Variants in ABCC9 observed in about 807,000 individuals in gnomAD.
ABCC9 encodes ATP binding cassette subfamily C member 9.
In ABCC9, 95 loss-of-function variants were observed where a neutral mutation model predicts 188.3. That is an observed-to-expected ratio of 0.50 (90% CI 0.43 to 0.60). ABCC9 has a LOEUF of 0.60. ABCC9 is among the 20% of genes least tolerant of loss of function. The probability of loss-of-function intolerance (pLI) is 0.00; values close to 1 mark genes in which losing one functional copy is unlikely to be tolerated. For missense variants in ABCC9, 1,102 were observed against 1,876.3 expected, an observed-to-expected ratio of 0.59 and a Z score of 7.62; for synonymous variants, 659 against 652.7, an observed-to-expected ratio of 1.01 and a Z score of -0.15.
At chr12:21,905,347 G>GAC (rs1271517216) in intron 12 of ABCC9, among the ~76,000 whole-genome samples, 2 of 150,870 alleles carry the variant, frequency 1.3e-5, no homozygotes, top group African/African-American at 4.9e-5. Flanking sequence ...ACACCAACAT[G>GAC]ACACATATAT....
In ABCC9 at chr12:21,875,713, T is replaced by C. The variant is rs1437551187; in HGVS notation, c.2033A>G (p.Tyr678Cys). Residue 678 changes from tyrosine to cysteine, a missense_variant, in exon 17 of 40, where the codon TAC (tyrosine) becomes TGC (cysteine). Tyr to Cys is a radical substitution (Grantham distance 194, BLOSUM62 -2). This residue lies in a region of ABCC9 where 258 missense variants were observed against 325.6 expected (regional missense o/e 0.79). Coordinates refer to ENST00000261200, the MANE Select transcript of ABCC9 (RefSeq NM_020297.4). Reference sequence around the variant, plus strand: ...AGCTAAACCACTGCCCCATGAAAAGTATCCATTTGTGACCTACAAAATAAA... The same window carrying C: ...AGCTAAACCACTGCCCCATGAAAAGCATCCATTTGTGACCTACAAAATAAA... ...EDIAIKVTNG[Y>C]FSWGSGLATL... 1 of 1,610,948 alleles carries C rather than the reference T, an allele frequency of 6.2e-7. No individual in the cohort carries two copies. Among genetic ancestry groups the C allele is most frequent in the Non-Finnish European group, 8.5e-7 (1 of 1,177,252 alleles).
At chr12:21,925,311 G>T (rs2900493) in intron 5 of ABCC9, 7 of 490,570 alleles carry the variant, frequency 1.4e-5, no homozygotes, top group East Asian at 6.1e-5. Context: ...ATATTTTAGA[G>T]AGCCTCTGAT....
chr12:21,896,873 A>G (rs1436451312), intron 12 of ABCC9, among the ~76,000 whole-genome samples: 1 of 152,224 alleles, frequency 6.6e-6, no homozygotes, highest in Non-Finnish European at 1.5e-5. Context: ...TAGTGCTGCA[A>G]TAAACATACA....
chr12:21,819,557 G>A, intron 31 of ABCC9, among the ~76,000 whole-genome samples: 1 of 152,136 alleles, frequency 6.6e-6, no homozygotes, highest in Middle Eastern at 3.2e-3. Flanking sequence ...GCTCAGACAA[G>A]CAACTTAAAA....
rs11836934 is a variant in ABCC9 at position 21,844,940 on chromosome 12, C to T, written c.3097-25G>A. On this transcript the variant is annotated intron_variant, in intron 26 of 39. Transcript: ENST00000261200. The stretch of plus-strand genomic sequence containing the variant: ...TCTAAAAAGCAACCAACACAAAAAG[C>T]ACATAGGAAATTATCAATGGAGTTC... 63,150 of 1,612,134 alleles carry T rather than the reference C, an allele frequency of 0.039. 1,747 individuals are homozygous for T. The highest frequency in any genetic ancestry group is 0.14 in the African/African-American group (10,167 of 74,898).
chr12:21,916,933 C>A lies in ABCC9; in HGVS notation c.573+4G>T, dbSNP rs1948622479. The A allele has an allele frequency of 1.2e-6, 2 of 1,600,294 alleles. No homozygotes were observed. The highest frequency in any genetic ancestry group is 2.2e-5 in the East Asian group (1 of 44,616). On this transcript the variant is annotated splice_donor_region_variant and intron_variant, in intron 6 of 39. Transcript: ENST00000261200. ...TAACTAAACAAAAGCCATTAGCTACCTACCCTGACTCGAATGACATTGATC... is the reference window on the plus strand; with the variant it reads ...TAACTAAACAAAAGCCATTAGCTACATACCCTGACTCGAATGACATTGATC...
At chr12:21,814,868 T>A in intron 34 of ABCC9, 146 bp from the exon 35 acceptor site, 1 of 730,620 alleles carries the variant, frequency 1.4e-6, no homozygotes, top group Non-Finnish European at 2.4e-6. Context: ...TTTTCTTAGA[T>A]CTACATTATG....
chr12:21,872,727 T>A lies in ABCC9; in HGVS notation c.2096A>T (p.Gln699Leu). 2 of 1,611,702 alleles carry A rather than the reference T, an allele frequency of 1.2e-6. No individual in the cohort carries two copies. Among genetic ancestry groups the A allele is most frequent in the Non-Finnish European group, 1.7e-6 (2 of 1,177,878 alleles). ...SNIDIRIPTG[Q>L]LTMIVGQVGC... ...TACTTGGCCCACAATCATGGTTAAC[T>A]GACCTAGGAAAGCAAAACAAAGGAT... The change falls in exon 18 of 40, where the codon CAG becomes CTG. Residue 699 changes from glutamine to leucine, a missense_variant. Transcript: ENST00000261200.
At position 21,912,935 on chromosome 12, in the gene ABCC9, A is replaced by G. The variant is rs1466234541; in HGVS notation, c.948T>C (p.Leu316=). The change falls in exon 8 of 40, where the codon CTT becomes CTC. Residue 316 remains leucine (L), a synonymous_variant. Coordinates refer to ENST00000261200, the MANE Select transcript of ABCC9 (RefSeq NM_020297.4). Reference sequence around the variant, plus strand: ...CACGCTGAACTATTCCAGAAATACAAAGAGGTCCAGCAAAACCCAGTAAAT... The same window carrying G: ...CACGCTGAACTATTCCAGAAATACAGAGAGGTCCAGCAAAACCCAGTAAAT... The part of the protein sequence containing the change: ...LADLLGFAGP[L]CISGIVQRVN... The G allele has an allele frequency of 1.2e-6, 2 of 1,613,610 alleles. No homozygotes were observed. The highest frequency in any genetic ancestry group is 1.7e-6 in the Non-Finnish European group (2 of 1,179,756).
At chr12:21,872,367 C>G (rs1206637698) in intron 18 of ABCC9, among the ~76,000 whole-genome samples, 1 of 152,216 alleles carries the variant, frequency 6.6e-6, no homozygotes, top group East Asian at 1.9e-4. Context: ...CTTTAAAAAC[C>G]TATCTTTACA....
At chr12:21,861,458 C>T (rs1033264769) in intron 20 of ABCC9, among the ~76,000 whole-genome samples, 8 of 152,088 alleles carry the variant, frequency 5.3e-5, no homozygotes, top group Non-Finnish European at 1.0e-4. Flanking sequence ...TTTCGAACAT[C>T]TGAACTTAGG....
At chr12:21,910,443 A>G in intron 9 of ABCC9, 131 bp from the exon 10 acceptor site, 1 of 894,232 alleles carries the variant, frequency 1.1e-6, no homozygotes, top group East Asian at 2.7e-5. Context: ...CTATAGGATC[A>G]TCTTCTTAAA....
At chr12:21,837,285 G>A (rs1178464733) in intron 30 of ABCC9, among the ~76,000 whole-genome samples, 1 of 152,136 alleles carries the variant, frequency 6.6e-6, no homozygotes, top group African/African-American at 2.4e-5. Context: ...CATAGATTAT[G>A]TAGACGTGCT....
At chr12:21,817,799 T>C (rs1047905656) in intron 32 of ABCC9, among the ~76,000 whole-genome samples, 3 of 152,200 alleles carry the variant, frequency 2.0e-5, no homozygotes, top group East Asian at 1.9e-4. Flanking sequence ...AATCTTGTTA[T>C]GAATTTAAAC....
chr12:21,889,598 CAAA>C (rs1947048670), intron 14 of ABCC9, among the ~76,000 whole-genome samples: 1 of 152,118 alleles, frequency 6.6e-6, no homozygotes, highest in Non-Finnish European at 1.5e-5. Context: ...TTCAATAAAT[CAAA>C]GAAGGAATAA....
At chr12:21,896,924 G>C (rs1282191026) in intron 12 of ABCC9, among the ~76,000 whole-genome samples, 1 of 152,110 alleles carries the variant, frequency 6.6e-6, no homozygotes, top group East Asian at 1.9e-4. Flanking sequence ...ACATTCCTTT[G>C]GGTATATACC....
chr12:21,842,595 G>A (rs1944451403), intron 28 of ABCC9, 124 bp from the exon 29 acceptor site: 2 of 944,868 alleles, frequency 2.1e-6, no homozygotes, highest in East Asian at 2.6e-5. Flanking sequence ...GTATAAGCAT[G>A]TTCATCCTAA....
chr12:21,930,672 A>AT (rs1043734734), intron 4 of ABCC9, among the ~76,000 whole-genome samples: 8 of 152,016 alleles, frequency 5.3e-5, no homozygotes, highest in Non-Finnish European at 7.4e-5. Flanking sequence ...TGTTTATAGC[A>AT]TTTTTTTTGA....
chr12:21,852,860 A>G (rs1945039059), intron 22 of ABCC9, among the ~76,000 whole-genome samples: 1 of 152,310 alleles, frequency 6.6e-6, no homozygotes, highest in African/African-American at 2.4e-5. Flanking sequence ...AACTTTGTAA[A>G]ATTATTTTAA....
Sources: allele counts gnomAD v4.1 joint callset (sites outside exome capture counted in the v4.1 genomes callset), GRCh38; gene constraint gnomAD v4.1.1; regional missense constraint gnomAD v4.1.1; transcripts MANE v1.5; gene names NCBI Gene and HGNC (gene_info 2026-07-23, HGNC 2026-07-21).